KAZN: variants seen among roughly 807,000 people sequenced by gnomAD.
The protein encoded by KAZN is kazrin, periplakin interacting protein, also known as kazrin.
Under a neutral mutation model 87.4 loss-of-function variants are expected in KAZN, and 40 were observed. That is an observed-to-expected ratio of 0.46 (90% CI 0.36 to 0.60). KAZN has a LOEUF of 0.60. Ranked by LOEUF, KAZN falls within the 20% of genes least tolerant of loss-of-function variation. KAZN has a pLI of 0.00. For synonymous variants in KAZN, 466 were observed against 458.3 expected, an observed-to-expected ratio of 1.02 and a Z score of -0.22; for missense variants, 898 against 1,073.9, an observed-to-expected ratio of 0.84 and a Z score of 2.29.
At chr1:14,338,503 AAAGAG>A (rs1235369757) in intron 2 of KAZN, among the ~76,000 whole-genome samples, 26 of 140,880 alleles carry the variant, frequency 1.8e-4, no homozygotes, top group African/African-American at 5.6e-4. Context: ...AAAAAAAAAA[AAAGAG>A]AGAGAGAGAG....
At chr1:14,072,767 C>A (rs1643297936) in intron 1 of KAZN, among the ~76,000 whole-genome samples, 1 of 152,118 alleles carries the variant, frequency 6.6e-6, no homozygotes, top group South Asian at 2.1e-4. Context: ...CTCCTGTAAA[C>A]TGGAACAATG....
chr1:15,100,013 A>T (rs1283905859), intron 10 of KAZN, among the ~76,000 whole-genome samples: 1 of 152,146 alleles, frequency 6.6e-6, no homozygotes, highest in African/African-American at 2.4e-5. Context: ...TAAGTATGAC[A>T]CGTCTGTGAC....
intron 1 of KAZN, among the ~76,000 whole-genome samples, chr1:13,966,502 A>G (rs1206515315): frequency 6.6e-6 from 1 of 152,184 alleles, no homozygotes; most frequent in East Asian, 1.9e-4. Context: ...TGGGATGGAC[A>G]GGGTCACTGA....
chr1:14,608,330 T>G (rs1677531231), intron 1 of KAZN, among the ~76,000 whole-genome samples: 1 of 152,212 alleles, frequency 6.6e-6, no homozygotes. Context: ...TGAGTTATCT[T>G]GGACTCACAG....
At chr1:14,799,688 G>A (rs536322359) in intron 1 of KAZN, among the ~76,000 whole-genome samples, 171 of 152,186 alleles carry the variant, frequency 1.1e-3, no homozygotes, top group Middle Eastern at 3.2e-3. Flanking sequence ...TTCCTCGTGC[G>A]ATGGTGGGCT....
intron 2 of KAZN, among the ~76,000 whole-genome samples, chr1:14,509,319 G>T (rs941824974): frequency 6.6e-6 from 1 of 152,154 alleles, no homozygotes; most frequent in Non-Finnish European, 1.5e-5. Context: ...TGAAATCCAG[G>T]CTCAAAGAGG....
At chr1:14,384,844 G>A (rs1374682292) in intron 2 of KAZN, among the ~76,000 whole-genome samples, 1 of 151,880 alleles carries the variant, frequency 6.6e-6, no homozygotes, top group African/African-American at 2.4e-5. Context: ...ATGAGTTAGG[G>A]AGGAATCCCT....
At chr1:14,499,893 A>C (rs1670148910) in intron 2 of KAZN, among the ~76,000 whole-genome samples, 2 of 152,278 alleles carry the variant, frequency 1.3e-5, no homozygotes, top group African/African-American at 4.8e-5. Context: ...CGAGCTCTGC[A>C]TCTGGCTAAC....
rs79632856 is a variant in KAZN at position 15,056,111 on chromosome 1, G to A, written c.747G>A (p.Thr249=). The change falls in exon 5 of 15, where the codon ACG becomes ACA. Residue 249 remains threonine, a synonymous_variant. Coordinates refer to ENST00000376030, the MANE Select transcript of KAZN (RefSeq NM_201628.3). The surrounding 1 kb of genome is among the most constrained non-coding windows in gnomAD (Gnocchi z 5.4). ...ELAMAKQSLA[T]LTKDVPKRHS... ...TCCAGGCCAAACAGTCCTTAGCTAC[G>A]CTGACCAAGGACGTCCCCAAGCGGC... is the stretch of plus-strand genomic sequence containing the variant. 0.054 allele frequency: 87,427 copies of A among 1,612,580 alleles called. 2,546 individuals carry two copies. The highest frequency in any genetic ancestry group is 0.07 in the South Asian group (6,346 of 90,984).
chr1:14,548,225 G>A (rs1377102112), intron 2 of KAZN, among the ~76,000 whole-genome samples: 3 of 144,324 alleles, frequency 2.1e-5, no homozygotes, highest in Non-Finnish European at 4.5e-5. Context: ...TTGAGACAGA[G>A]TCTTGCTCTG....
chr1:14,132,409 G>T (rs939849969), intron 1 of KAZN, among the ~76,000 whole-genome samples: 2 of 152,162 alleles, frequency 1.3e-5, no homozygotes, highest in Non-Finnish European at 2.9e-5. Context: ...GAAACCACAG[G>T]TGGGCTGAGG....
At chr1:13,945,473 CAA>C (rs35661143) in intron 1 of KAZN, among the ~76,000 whole-genome samples, 7,285 of 110,236 alleles carry the variant, frequency 0.066, 385 homozygotes, top group East Asian at 0.35. Context: ...GAGTCCGTCT[CAA>C]AAAAAAAAAA....
intron 2 of KAZN, among the ~76,000 whole-genome samples, chr1:14,557,619 G>GGGGTGT (rs1553188709): frequency 1.1e-5 from 1 of 94,044 alleles, no homozygotes. Flanking sequence ...AAACCAATAG[G>GGGGTGT]GTGTGTGTGG....
At chr1:13,902,606 T>C (rs1174005892) in intron 1 of KAZN, among the ~76,000 whole-genome samples, 2 of 152,022 alleles carry the variant, frequency 1.3e-5, no homozygotes, top group Non-Finnish European at 2.9e-5. Context: ...TACAGGTAGG[T>C]AGAAGGAATA....
chr1:14,887,160 C>G lies in KAZN; in HGVS notation c.227-73524C>G, dbSNP rs547080061. 5.3e-5 allele frequency among the ~76,000 whole-genome samples: 8 copies of G among 152,302 alleles called. No individual in the cohort carries two copies. In the East Asian group the frequency reaches 1.5e-3, roughly 29 times the overall value. On this transcript the variant is annotated intron_variant, in intron 1 of 14. Coordinates refer to ENST00000376030, the MANE Select transcript of KAZN (RefSeq NM_201628.3). Reference sequence around the variant, plus strand: ...CTTTCCTCCTCTGTTTTCCCATTTCCTTCCTGCTTCCCCTTAACTGCCAAA... The same window carrying G: ...CTTTCCTCCTCTGTTTTCCCATTTCGTTCCTGCTTCCCCTTAACTGCCAAA...
intron 2 of KAZN, among the ~76,000 whole-genome samples, chr1:14,248,216 G>A (rs1433763671): frequency 6.6e-6 from 1 of 152,150 alleles, no homozygotes; most frequent in African/African-American, 2.4e-5. Context: ...TAATAACACG[G>A]GAATTCCAGA....
In KAZN at chr1:14,948,124, C is replaced by A. The variant is rs947552919; in HGVS notation, c.227-12560C>A. On this transcript the variant is annotated intron_variant, in intron 1 of 14. Transcript: ENST00000376030. ...TTCAAGTTTGTAGGGAAGCTAAGTG[C>A]CCAGAAAACTGTCTCTGACAAAAAC... is the stretch of plus-strand genomic sequence containing the variant. Among the ~76,000 whole-genome samples, 6 of 152,254 alleles carry A rather than the reference C, an allele frequency of 3.9e-5. No homozygotes were observed. The South Asian group carries it at 1.2e-3, about 32-fold the overall frequency.
chr1:13,926,504 A>G (rs1047920462), intron 1 of KAZN, among the ~76,000 whole-genome samples: 4 of 151,874 alleles, frequency 2.6e-5, no homozygotes, highest in Non-Finnish European at 4.4e-5. Flanking sequence ...CCTTTTCCCT[A>G]TTTTCAAGTC....
At chr1:14,659,710 C>A (rs1340697769) in intron 1 of KAZN, among the ~76,000 whole-genome samples, 1 of 152,092 alleles carries the variant, frequency 6.6e-6, no homozygotes, top group Non-Finnish European at 1.5e-5. Flanking sequence ...GAGTTTGTTG[C>A]ATTTAGAAAC....
Sources: gnomAD v4.1 joint callset for allele counts (sites outside exome capture counted in the v4.1 genomes callset) on GRCh38, gnomAD v4.1.1 for gene constraint, Gnocchi (gnomAD v3.1) non-coding constraint, MANE v1.5 for transcripts, NCBI Gene and HGNC (gene_info 2026-07-23, HGNC 2026-07-21) for gene names.